PAPPA: variants seen among roughly 807,000 people sequenced by gnomAD.
PAPPA encodes pappalysin 1, also known as pappalysin-1.
PAPPA carries 60 observed loss-of-function variants against 164.0 expected under a neutral mutation model. The observed-to-expected ratio is 0.37, with a 90% CI of 0.30 to 0.45. The LOEUF (loss-of-function observed/expected upper bound fraction) is 0.45. Ranked by LOEUF, PAPPA falls within the 20% of genes least tolerant of loss-of-function variation. PAPPA has a pLI of 1.00. For missense variants in PAPPA, 1,782 were observed against 2,087.3 expected (o/e 0.85, Z 2.85); for synonymous variants, 875 against 814.1 (o/e 1.07, Z -1.27).
intron 13 of PAPPA, among the ~76,000 whole-genome samples, chr9:116,343,048 G>T (rs914999717): frequency 3.9e-5 from 6 of 152,156 alleles, no homozygotes; most frequent in African/African-American, 1.4e-4. Flanking sequence ...CATGGGACAA[G>T]GTTAACAACA....
At position 116,400,763 on chromosome 9, in the gene PAPPA, C is replaced by T. The variant is rs1847040605; in HGVS notation, c.*4147C>T. 6.6e-6 allele frequency: 1 copy of T among 152,424 alleles called. No individual in the cohort carries two copies. Among genetic ancestry groups the T allele is most frequent in the Admixed American group, 6.5e-5 (1 of 15,270 alleles). The allele number at this position is 152,424 out of a possible 1,614,324, so 9.4% of individuals were successfully genotyped here. The stretch of plus-strand genomic sequence containing the variant: ...ACTTTTGCCAAATTCCTACCAATCA[C>T]TTGCTTTTTAAAAGAAATGTATAAT... On this transcript the variant is annotated 3_prime_UTR_variant, in exon 22 of 22. Transcript: ENST00000328252.
In PAPPA at chr9:116,344,523, C is replaced by G. The variant is rs1332102235; in HGVS notation, c.3612-20C>G. 2.5e-6 allele frequency: 4 copies of G among 1,603,824 alleles called. No homozygotes were observed. The highest frequency in any genetic ancestry group is 1.3e-5 in the African/African-American group (1 of 74,922). Reference sequence around the variant, plus strand: ...TCCTGTGAGGAGACTCCTTCTTCCCCTCGTTTCTTTCCTCCCCAGCTGCGT... The same window carrying G: ...TCCTGTGAGGAGACTCCTTCTTCCCGTCGTTTCTTTCCTCCCCAGCTGCGT... On this transcript the variant is annotated intron_variant, in intron 13 of 21. Coordinates refer to ENST00000328252, the MANE Select transcript of PAPPA (RefSeq NM_002581.5).
chr9:116,312,416 G>A (rs1374569112), intron 10 of PAPPA, among the ~76,000 whole-genome samples: 12 of 151,422 alleles, frequency 7.9e-5, no homozygotes, highest in Non-Finnish European at 1.2e-4. Context: ...TGTAAACAGC[G>A]TTCACTCTCC....
intron 9 of PAPPA, among the ~76,000 whole-genome samples, chr9:116,283,075 G>A (rs569812249): frequency 5.3e-5 from 8 of 152,158 alleles, no homozygotes; most frequent in African/African-American, 1.9e-4. Context: ...TCATGCACAC[G>A]GTTGCTTTTC....
chr9:116,230,713 C>T (rs1206816765), intron 6 of PAPPA, among the ~76,000 whole-genome samples: 1 of 152,100 alleles, frequency 6.6e-6, no homozygotes, highest in Non-Finnish European at 1.5e-5. Context: ...GAACTGCTTG[C>T]CTTTGTTCAT....
chr9:116,189,526 G>A (rs548727973), intron 2 of PAPPA, among the ~76,000 whole-genome samples: 11 of 152,250 alleles, frequency 7.2e-5, no homozygotes, highest in African/African-American at 2.6e-4. Context: ...AGAAAAGGGG[G>A]CCTTCAGTCT....
At chr9:116,226,218 G>A (rs1197803251) in intron 5 of PAPPA, among the ~76,000 whole-genome samples, 1 of 152,180 alleles carries the variant, frequency 6.6e-6, no homozygotes, top group Non-Finnish European at 1.5e-5. Flanking sequence ...GGCATTAGGG[G>A]ATAAAATCAC....
At chr9:116,330,324 T>TTA (rs1845972888) in intron 10 of PAPPA, among the ~76,000 whole-genome samples, 1 of 152,330 alleles carries the variant, frequency 6.6e-6, no homozygotes, top group East Asian at 1.9e-4. Flanking sequence ...CTGTTTATAT[T>TTA]TATATATACA....
intron 7 of PAPPA, among the ~76,000 whole-genome samples, chr9:116,258,025 AATC>A (rs771362835): frequency 1.3e-5 from 2 of 152,014 alleles, no homozygotes; most frequent in Non-Finnish European, 2.9e-5. Flanking sequence ...GCTAATAAAA[AATC>A]ATCACCATTT....
chr9:116,366,084 A>C (rs1846497236), intron 18 of PAPPA, among the ~76,000 whole-genome samples: 1 of 152,228 alleles, frequency 6.6e-6, no homozygotes. Context: ...TTTAAAGAAA[A>C]GAGTTGACTT....
At chr9:116,215,842 A>T (rs765937349) in intron 4 of PAPPA, among the ~76,000 whole-genome samples, 1 of 152,202 alleles carries the variant, frequency 6.6e-6, no homozygotes, top group Non-Finnish European at 1.5e-5. Flanking sequence ...TGACTACTTA[A>T]TGTGAAAAAG....
At chr9:116,307,811 T>C (rs1845666422) in intron 10 of PAPPA, among the ~76,000 whole-genome samples, 1 of 152,122 alleles carries the variant, frequency 6.6e-6, no homozygotes, top group South Asian at 2.1e-4. Flanking sequence ...CATTCTGACA[T>C]GGAAACCTTG....
chr9:116,343,157 C>CAT (rs1238625461), intron 13 of PAPPA, among the ~76,000 whole-genome samples: 1 of 152,156 alleles, frequency 6.6e-6, no homozygotes, highest in Non-Finnish European at 1.5e-5. Context: ...ACGCTTAGCT[C>CAT]ATAGGGTTGT....
chr9:116,349,096 T>A (rs879796272), intron 15 of PAPPA, among the ~76,000 whole-genome samples: 2 of 152,118 alleles, frequency 1.3e-5, no homozygotes, highest in Non-Finnish European at 2.9e-5. Flanking sequence ...CCTCTGTACT[T>A]CCGTTAAAGT....
intron 19 of PAPPA, among the ~76,000 whole-genome samples, chr9:116,371,700 CCTT>C (rs1172326257): frequency 2.6e-5 from 4 of 152,004 alleles, no homozygotes; most frequent in East Asian, 1.9e-4. Context: ...GCCTCAGCCT[CCTT>C]CTTTTTTATT....
Position 116,154,071 on chromosome 9 carries a change from A to G in PAPPA, c.-102A>G. 4.3e-6 allele frequency: 5 copies of G among 1,159,146 alleles called. No individual in the cohort carries two copies. Among genetic ancestry groups the G allele is most frequent in the South Asian group, 1.9e-5 (1 of 53,100 alleles). 71.8% of individuals were successfully genotyped at this position (1,159,146 alleles called of 1,614,324 possible). On this transcript the variant is annotated 5_prime_UTR_variant, in exon 1 of 22. Coordinates refer to ENST00000328252, the MANE Select transcript of PAPPA (RefSeq NM_002581.5). This position sits in a 1 kb window ranked among gnomAD's most constrained non-coding sequence, Gnocchi z 5.2. ...AAGTGGAAAGGGGGGCTCGCCCAAG[A>G]AGGGTGAAGAAGCGAAGAAAGTCGA...
intron 17 of PAPPA, among the ~76,000 whole-genome samples, chr9:116,361,204 G>A (rs1286708881): frequency 1.3e-5 from 2 of 152,184 alleles, no homozygotes; most frequent in African/African-American, 2.4e-5. Context: ...GGAAGCCATT[G>A]CATAAATTTT....
chr9:116,370,261 C>G (rs994840236), intron 19 of PAPPA, among the ~76,000 whole-genome samples: 1 of 152,144 alleles, frequency 6.6e-6, no homozygotes, highest in Non-Finnish European at 1.5e-5. Flanking sequence ...TCCACCTCCA[C>G]CCCCTACCAC....
At chr9:116,214,706 A>G (rs1317064172) in intron 4 of PAPPA, among the ~76,000 whole-genome samples, 2 of 152,124 alleles carry the variant, frequency 1.3e-5, no homozygotes, top group African/African-American at 4.8e-5. Context: ...ACCCAGTTCC[A>G]CTTTCTGGAG....
Sources: gnomAD v4.1 joint callset for allele counts (sites outside exome capture counted in the v4.1 genomes callset) on GRCh38, gnomAD v4.1.1 for gene constraint, Gnocchi (gnomAD v3.1) non-coding constraint, MANE v1.5 for transcripts, NCBI Gene and HGNC (gene_info 2026-07-23, HGNC 2026-07-21) for gene names.